The following CDH13 variants were observed in gnomAD, a reference collection of about 807,000 sequenced individuals.
The protein encoded by CDH13 is cadherin 13.
In CDH13, 24 loss-of-function variants were observed where a neutral mutation model predicts 63.8. The observed-to-expected ratio is 0.38, with a 90% CI of 0.27 to 0.53. The LOEUF (loss-of-function observed/expected upper bound fraction) is 0.53, where lower values mean the gene tolerates loss of function less well. Among genes scored for constraint, CDH13 ranks in the 20% least tolerant of loss-of-function variants. CDH13 has a pLI of 0.85. For missense variants in CDH13, 1,049 were observed against 903.1 expected, an observed-to-expected ratio of 1.16 and a Z score of -2.07; for synonymous variants, 503 against 355.3, an observed-to-expected ratio of 1.42 and a Z score of -4.67.
chr16:82,887,137 C>T (rs999974255), intron 2 of CDH13, among the ~76,000 whole-genome samples: 1 of 152,276 alleles, frequency 6.6e-6, no homozygotes, highest in Non-Finnish European at 1.5e-5. Context: ...CACTTTCGAA[C>T]TTGTGCCCAA....
At chr16:83,501,560 C>T (rs952253393) in intron 7 of CDH13, among the ~76,000 whole-genome samples, 5 of 152,156 alleles carry the variant, frequency 3.3e-5, no homozygotes, top group Admixed American at 3.3e-4. Flanking sequence ...ACAATTACGG[C>T]GTTTTTTCAT....
At chr16:82,854,347 G>C (rs1220857130) in intron 1 of CDH13, among the ~76,000 whole-genome samples, 1 of 137,678 alleles carries the variant, frequency 7.3e-6, no homozygotes, top group Non-Finnish European at 1.5e-5. Context: ...CTTGCAGTGA[G>C]CCAAGATCGT....
chr16:83,672,799 A>G (rs1165107059), intron 9 of CDH13, among the ~76,000 whole-genome samples: 1 of 152,154 alleles, frequency 6.6e-6, no homozygotes, highest in African/African-American at 2.4e-5. Context: ...GCTCCAGGAT[A>G]TGTGATGGAG....
chr16:82,887,313 T>C (rs1041644879), intron 2 of CDH13, among the ~76,000 whole-genome samples: 2 of 152,178 alleles, frequency 1.3e-5, no homozygotes, highest in Admixed American at 6.5e-5. Flanking sequence ...ATTCCTGGTC[T>C]AAATGAGAGT....
chr16:83,276,786 G>T (rs2151851953), intron 5 of CDH13, among the ~76,000 whole-genome samples: 1 of 152,274 alleles, frequency 6.6e-6, no homozygotes, highest in Middle Eastern at 3.4e-3. Context: ...CAGAAGAATG[G>T]CATGAACATG....
At chr16:82,764,557 G>T (rs1297145567) in intron 1 of CDH13, among the ~76,000 whole-genome samples, 7 of 152,102 alleles carry the variant, frequency 4.6e-5, no homozygotes, top group Non-Finnish European at 1.5e-5. Flanking sequence ...AAAATATGAG[G>T]TATAATTTGT....
intron 2 of CDH13, among the ~76,000 whole-genome samples, chr16:82,872,717 A>G (rs904810210): frequency 1.3e-5 from 2 of 152,232 alleles, no homozygotes; most frequent in Non-Finnish European, 2.9e-5. Flanking sequence ...AATATCCCCA[A>G]GGACTTCTGC....
chr16:82,793,811 T>C (rs1037899894), intron 1 of CDH13, among the ~76,000 whole-genome samples: 1 of 152,258 alleles, frequency 6.6e-6, no homozygotes, highest in East Asian at 1.9e-4. Context: ...TAGAGATGAC[T>C]GCATCTCAGG....
intron 1 of CDH13, among the ~76,000 whole-genome samples, chr16:82,635,931 G>A (rs367704615): frequency 2.0e-5 from 3 of 151,916 alleles, no homozygotes; most frequent in East Asian, 1.9e-4. Flanking sequence ...GTGTGAAGAC[G>A]TGCCTCCTTC....
intron 1 of CDH13, among the ~76,000 whole-genome samples, chr16:82,842,118 A>ATG (rs2039043845): frequency 2.2e-5 from 1 of 44,646 alleles, no homozygotes; most frequent in Non-Finnish European, 5.4e-5. Context: ...ATATGTATAT[A>ATG]TATATATATA....
At chr16:83,485,237 G>T (rs758023819) in intron 6 of CDH13, among the ~76,000 whole-genome samples, 1 of 152,146 alleles carries the variant, frequency 6.6e-6, no homozygotes, top group Non-Finnish European at 1.5e-5. Context: ...GATCCCTTGC[G>T]GACACGTGCA....
At chr16:83,355,610 CA>C (rs1305216942) in intron 6 of CDH13, among the ~76,000 whole-genome samples, 1 of 152,112 alleles carries the variant, frequency 6.6e-6, no homozygotes, top group African/African-American at 2.4e-5. Flanking sequence ...AAAATGTATT[CA>C]TTCTTTCAAC....
intron 2 of CDH13, among the ~76,000 whole-genome samples, chr16:82,880,419 C>T (rs184233812): frequency 3.9e-4 from 59 of 152,244 alleles, no homozygotes; most frequent in African/African-American, 1.3e-3. Context: ...GTTTCACCTG[C>T]CGAGGGCCTT....
chr16:83,125,442 G>T lies in CDH13; in HGVS notation c.424G>T (p.Val142Leu). The change falls in exon 4 of 14, where the codon GTA becomes TTA. Residue 142 changes from valine (V) to leucine (L), a missense_variant. Val to Leu is a conservative substitution (Grantham distance 32, BLOSUM62 1). Coordinates refer to ENST00000567109, the MANE Select transcript of CDH13 (RefSeq NM_001257.5). ...CCCAAGACAAAAGAGGTCCATTGTG[G>T]TATCTCCCATTTTAATTCCAGAGAA... Reference protein sequence around the residue: ...PVPRQKRSIVVSPILIPENQR... With the variant: ...PVPRQKRSIVLSPILIPENQR... The T allele has an allele frequency of 1.2e-6, 2 of 1,612,556 alleles. No homozygotes were observed. Among genetic ancestry groups the T allele is most frequent in the South Asian group, 2.2e-5 (2 of 90,988 alleles).
intron 4 of CDH13, among the ~76,000 whole-genome samples, chr16:83,174,303 C>T (rs2038037295): frequency 6.6e-6 from 1 of 152,060 alleles, no homozygotes; most frequent in Non-Finnish European, 1.5e-5. Flanking sequence ...ATAATAACAC[C>T]ACTCAATGAT....
intron 4 of CDH13, among the ~76,000 whole-genome samples, chr16:83,147,854 C>G (rs1260758017): frequency 6.6e-6 from 1 of 152,112 alleles, no homozygotes; most frequent in African/African-American, 2.4e-5. Flanking sequence ...CACCCTGACA[C>G]CATCATAAGC....
chr16:82,734,754 G>T (rs1199306436), intron 1 of CDH13, among the ~76,000 whole-genome samples: 1 of 152,186 alleles, frequency 6.6e-6, no homozygotes, highest in East Asian at 1.9e-4. Flanking sequence ...AAGACAGACA[G>T]GCCTTTATAC....
At chr16:83,479,613 C>T (rs2073705597) in intron 6 of CDH13, among the ~76,000 whole-genome samples, 1 of 151,972 alleles carries the variant, frequency 6.6e-6, no homozygotes, top group South Asian at 2.1e-4. Flanking sequence ...GCCAAGATTG[C>T]ACCACTGCAC....
chr16:83,585,578 C>G (rs1185035047), intron 7 of CDH13, among the ~76,000 whole-genome samples: 1 of 151,964 alleles, frequency 6.6e-6, no homozygotes, highest in East Asian at 1.9e-4. Context: ...AAGTGTAGAT[C>G]TGGGAATTAG....
Sources: gnomAD v4.1 joint callset for allele counts (sites outside exome capture counted in the v4.1 genomes callset) on GRCh38, gnomAD v4.1.1 for gene constraint, MANE v1.5 for transcripts, NCBI Gene and HGNC (gene_info 2026-07-23, HGNC 2026-07-21) for gene names.